Variants in KIRREL1 observed in about 807,000 individuals in gnomAD.
KIRREL1 encodes the protein kin of IRRE-like protein 1.
Under a neutral mutation model 83.3 loss-of-function variants are expected in KIRREL1, and 25 were observed. The ratio of observed to expected loss-of-function variants is 0.30; its 90% CI spans 0.22 to 0.42. KIRREL1 has a LOEUF of 0.42. KIRREL1 is among the 10% of genes least tolerant of loss of function. The pLI, the probability that KIRREL1 is intolerant of heterozygous loss-of-function variation, is 1.00. For synonymous variants in KIRREL1, 388 were observed against 410.4 expected (o/e 0.95, Z 0.66); for missense variants, 812 against 1,032.3 (o/e 0.79, Z 2.92).
intron 1 of KIRREL1, among the ~76,000 whole-genome samples, chr1:158,033,612 C>T (rs1163868072): frequency 6.6e-6 from 1 of 152,224 alleles, no homozygotes; most frequent in Non-Finnish European, 1.5e-5. Context: ...GTCTCAAAGC[C>T]TACTGCTGCA....
rs1436259922 is a variant in KIRREL1, at chr1:158,094,969, A to G, written c.2123A>G (p.Tyr708Cys). Reference sequence around the variant, plus strand: ...GGGTACCCCACCTACCGACTGGGCTACCCCCAGGCCCCACCCTCTGGCCTG... The same window carrying G: ...GGGTACCCCACCTACCGACTGGGCTGCCCCCAGGCCCCACCCTCTGGCCTG... The part of the protein sequence containing the change: ...AAGYPTYRLG[Y>C]PQAPPSGLER... Residue 708 changes from tyrosine (Y) to cysteine (C), a missense_variant, in exon 15 of 15, where the codon TAC becomes TGC. Tyr to Cys is a radical substitution (Grantham distance 194). Around this residue, in one of 3 missense-constraint regions of KIRREL1, gnomAD observed 334 missense variants for 383.7 expected, o/e 0.87. Coordinates refer to ENST00000359209, the MANE Select transcript of KIRREL1 (RefSeq NM_018240.7). The surrounding 1 kb of genome is among the most constrained non-coding windows in gnomAD (Gnocchi z 4.6). The G allele has an allele frequency of 6.2e-7, 1 of 1,613,534 alleles. No individual in the cohort carries two copies. The highest frequency in any genetic ancestry group is 8.5e-7 in the Non-Finnish European group (1 of 1,179,878).
At position 158,094,828 on chromosome 1, in the gene KIRREL1, A is replaced by G. The variant is rs1289357200; in HGVS notation, c.1982A>G (p.Tyr661Cys). ...TATAGCCGGGGCCCTGCCTCTGACT[A>G]TGGCCCTGAGCCCACACCCCCTGGC... ...NTYSRGPASD[Y>C]GPEPTPPGPA... The change falls in exon 15 of 15, where the codon TAT (tyrosine) becomes TGT (cysteine). Residue 661 changes from tyrosine (Y) to cysteine (C), a missense_variant. This residue lies in a region of KIRREL1 where 334 missense variants were observed against 383.7 expected (regional missense o/e 0.87). Coordinates refer to ENST00000359209, the MANE Select transcript of KIRREL1 (RefSeq NM_018240.7). This position sits in a 1 kb window ranked among gnomAD's most constrained non-coding sequence, Gnocchi z 4.6. 2 of 1,613,796 alleles carry G rather than the reference A, an allele frequency of 1.2e-6. No homozygotes were observed. The highest frequency in any genetic ancestry group is 8.5e-7 in the Non-Finnish European group (1 of 1,179,958).
rs538621007 is a variant in KIRREL1, at chr1:158,084,506, T to C, written c.437T>C (p.Phe146Ser). Residue 146 changes from phenylalanine (F) to serine (S), a missense_variant, in exon 4 of 15, where the codon TTC becomes TCC. By Grantham distance (155) the Phe-to-Ser change is radical. This residue lies in a region of KIRREL1 where 472 missense variants were observed against 626.8 expected (regional missense o/e 0.75). Transcript: ENST00000359209. ...CCCCACAACCTCACATGCCGGGCCT[T>C]CAATGCGAAGCCTGCTGCCACCATC... is the stretch of plus-strand genomic sequence containing the variant. ...GTPHNLTCRA[F>S]NAKPAATIIW... 14 of 1,551,626 alleles carry C rather than the reference T, an allele frequency of 9.0e-6. No homozygotes were observed. The highest frequency in any genetic ancestry group is 5.5e-5 in the African/African-American group (4 of 73,050).
At chr1:158,093,290 C>A in intron 11 of KIRREL1, 49 bp from the exon 12 acceptor site, 1 of 1,488,774 alleles carries the variant, frequency 6.7e-7, no homozygotes, top group Non-Finnish European at 9.4e-7. Flanking sequence ...AGCTTAGCTC[C>A]CAGTATAACT....
At chr1:158,059,377 G>A (rs976360200) in intron 1 of KIRREL1, among the ~76,000 whole-genome samples, 1 of 152,174 alleles carries the variant, frequency 6.6e-6, no homozygotes, top group African/African-American at 2.4e-5. Context: ...TAGGACTGTA[G>A]GGGAGAACGC....
At chr1:158,029,582 C>T (rs547507010) in intron 1 of KIRREL1, among the ~76,000 whole-genome samples, 14 of 152,160 alleles carry the variant, frequency 9.2e-5, no homozygotes, top group Non-Finnish European at 1.6e-4. Flanking sequence ...TATTCTCCTC[C>T]GATGTACATC....
chr1:158,099,067 GT>G lies in KIRREL1; in HGVS notation c.*3948del, dbSNP rs916815525. 1 of 152,282 alleles carries G rather than the reference GT, an allele frequency of 6.6e-6. No individual in the cohort carries two copies. The highest frequency in any genetic ancestry group is 1.5e-5 in the Non-Finnish European group (1 of 68,074). The allele number at this position is 152,282 out of a possible 1,614,324, so 9.4% of individuals were successfully genotyped here. A position where few individuals can be genotyped will look rare whatever the true frequency, so the allele number is the denominator to read the frequency against. ...TGTTCTTTGCTGTGTGGAAGGTTCT[GT>G]CCCTACTGCTGAACTCCAGTTCCTC... On this transcript the variant is annotated 3_prime_UTR_variant, in exon 15 of 15. Coordinates refer to ENST00000359209, the MANE Select transcript of KIRREL1 (RefSeq NM_018240.7).
At chr1:158,043,087 C>CAAAA (rs71084262) in intron 1 of KIRREL1, among the ~76,000 whole-genome samples, 1 of 108,210 alleles carries the variant, frequency 9.2e-6, no homozygotes, top group Non-Finnish European at 1.8e-5. Flanking sequence ...GACTCCATCT[C>CAAAA]AAAAAAAAAA....
intron 1 of KIRREL1, among the ~76,000 whole-genome samples, chr1:158,029,366 T>TGTGTGTGCGCGCGC (rs1553238087): frequency 8.1e-5 from 12 of 149,028 alleles, no homozygotes; most frequent in African/African-American, 3.0e-4. Flanking sequence ...TGTGTGTGTG[T>TGTGTGTGCGCGCGC]GCACGTGCGC....
Position 158,095,192 on chromosome 1 carries a change from G to A in KIRREL1, c.*72G>A, listed in dbSNP as rs914212626. The A allele has an allele frequency of 1.9e-5, 21 of 1,114,762 alleles. No individual in the cohort carries two copies. The highest frequency in any genetic ancestry group is 2.4e-5 in the Admixed American group (1 of 41,022). The allele number at this position is 1,114,762 out of a possible 1,614,324, so 69.1% of individuals were successfully genotyped here. A position where few individuals can be genotyped will look rare whatever the true frequency, so the allele number is the denominator to read the frequency against. ...TTTCACAGCTGTTCCCTGATATTCA[G>A]GGGCATTGCTCATTGCTCCCTTCTC... On this transcript the variant is annotated 3_prime_UTR_variant, in exon 15 of 15. Coordinates refer to ENST00000359209, the MANE Select transcript of KIRREL1 (RefSeq NM_018240.7).
At chr1:158,035,532 G>A (rs1660452681) in intron 1 of KIRREL1, among the ~76,000 whole-genome samples, 1 of 152,168 alleles carries the variant, frequency 6.6e-6, no homozygotes, top group Admixed American at 6.5e-5. Context: ...ACAAGACACT[G>A]CTAGATATTC....
intron 1 of KIRREL1, among the ~76,000 whole-genome samples, chr1:158,055,719 A>G (rs1195135549): frequency 3.3e-5 from 5 of 152,196 alleles, no homozygotes; most frequent in Admixed American, 3.3e-4. Flanking sequence ...GCAAATATTG[A>G]AGGCTGGCTT....
In KIRREL1 at chr1:158,095,413, A is replaced by G; in HGVS notation, c.*293A>G. ...GACAGGGAAAGTGAAGGTTAGGGAA[A>G]GCAGAGGGGGGCACTTTTTAGCATT... On this transcript the variant is annotated 3_prime_UTR_variant, in exon 15 of 15. Coordinates refer to ENST00000359209, the MANE Select transcript of KIRREL1 (RefSeq NM_018240.7). The G allele has an allele frequency of 3.0e-6, 1 of 333,454 alleles. No individual in the cohort carries two copies. The highest frequency in any genetic ancestry group is 8.2e-5 in the South Asian group (1 of 12,238). The allele number at this position is 333,454 out of a possible 1,614,324, so 20.7% of individuals were successfully genotyped here. A position where few individuals can be genotyped will look rare whatever the true frequency, so the allele number is the denominator to read the frequency against.
chr1:158,024,335 G>T (rs1393582513), intron 1 of KIRREL1, among the ~76,000 whole-genome samples: 1 of 141,164 alleles, frequency 7.1e-6, no homozygotes, highest in African/African-American at 2.7e-5. Context: ...CTGGAGTGGA[G>T]TGGTGCGATC....
At chr1:158,031,990 G>C (rs890011392) in intron 1 of KIRREL1, among the ~76,000 whole-genome samples, 1 of 152,048 alleles carries the variant, frequency 6.6e-6, no homozygotes, top group African/African-American at 2.4e-5. Flanking sequence ...GGCCAAGGTG[G>C]AAGGATTGCT....
intron 1 of KIRREL1, among the ~76,000 whole-genome samples, chr1:158,011,807 G>T (rs897435291): frequency 1.3e-5 from 2 of 152,184 alleles, no homozygotes; most frequent in Non-Finnish European, 2.9e-5. Flanking sequence ...GAAGCAGGAG[G>T]CCAGGCAGTG....
Position 158,096,617 on chromosome 1 carries a change from C to T in KIRREL1, c.*1497C>T, listed in dbSNP as rs1323664920. On this transcript the variant is annotated 3_prime_UTR_variant, in exon 15 of 15. Transcript: ENST00000359209. ...GGGAGAAGGTGGTGCGGAAGGGCAC[C>T]GCAGGCATTACACAGGCCATTTCTC... The T allele has an allele frequency of 1.3e-5, 6 of 456,672 alleles. No individual in the cohort carries two copies. Among genetic ancestry groups the T allele is most frequent in the Non-Finnish European group, 2.6e-5 (6 of 226,986 alleles). 28.3% of individuals were successfully genotyped at this position (456,672 alleles called of 1,614,324 possible). A position where few individuals can be genotyped will look rare whatever the true frequency, so the allele number is the denominator to read the frequency against.
At chr1:158,021,336 T>A (rs572639581) in intron 1 of KIRREL1, among the ~76,000 whole-genome samples, 102 of 152,336 alleles carry the variant, frequency 6.7e-4, no homozygotes, top group African/African-American at 2.3e-3. Context: ...GGCTGCATGA[T>A]GCCAAAATGA....
chr1:158,029,366 T>TGTGTGTGTGTGTGTGTGCGC (rs1553238087), intron 1 of KIRREL1, among the ~76,000 whole-genome samples: 10 of 148,928 alleles, frequency 6.7e-5, no homozygotes, highest in Non-Finnish European at 4.5e-5. Context: ...TGTGTGTGTG[T>TGTGTGTGTGTGTGTGTGCGC]GCACGTGCGC....
Sources: allele counts gnomAD v4.1 joint callset (sites outside exome capture counted in the v4.1 genomes callset), GRCh38; gene constraint gnomAD v4.1.1; regional missense constraint gnomAD v4.1.1; non-coding constraint Gnocchi (gnomAD v3.1); transcripts MANE v1.5; gene names NCBI Gene and HGNC (gene_info 2026-07-23, HGNC 2026-07-21).